Variants in DHX57 observed in about 807,000 individuals in gnomAD.
The protein encoded by DHX57 is DExH-box helicase 57.
Under a neutral mutation model 156.2 loss-of-function variants are expected in DHX57, and 105 were observed. That is an observed-to-expected ratio of 0.67 (90% confidence interval 0.57 to 0.79). The LOEUF (loss-of-function observed/expected upper bound fraction) is 0.79, where lower values mean the gene tolerates loss of function less well. Among genes scored for constraint, DHX57 ranks in the 30% least tolerant of loss-of-function variants. The probability of loss-of-function intolerance (pLI) is 0.00; values close to 1 mark genes in which losing one functional copy is unlikely to be tolerated. For missense variants in DHX57, 1,847 were observed against 1,661.9 expected (o/e 1.11, Z -1.94); for synonymous variants, 704 against 595.6 (o/e 1.18, Z -2.65).
At chr2:38,858,025 G>A (rs914388732) in intron 6 of DHX57, among the ~76,000 whole-genome samples, 8 of 152,220 alleles carry the variant, frequency 5.3e-5, no homozygotes, top group Admixed American at 4.6e-4. Flanking sequence ...GTGTTACCAC[G>A]CCCGCCTGGC....
At chr2:38,828,465 G>C (rs1318311668) in intron 13 of DHX57, 29 bp from the exon 14 acceptor site, 6 of 1,505,136 alleles carry the variant, frequency 4.0e-6, no homozygotes, top group Non-Finnish European at 4.5e-6. Context: ...TCAATATGTG[G>C]GTAAGCATAG....
At chr2:38,823,897 A>G (rs1670957705) in intron 16 of DHX57, among the ~76,000 whole-genome samples, 1 of 152,148 alleles carries the variant, frequency 6.6e-6, no homozygotes, top group Admixed American at 6.5e-5. Context: ...ATGTAATCCC[A>G]GCTACTTGGG....
In DHX57 at chr2:38,858,784, A is replaced by G; in HGVS notation, c.1464T>C (p.Pro488=). ...CATAGCTTTCATTCTCTACTATAAC[A>G]GGTGCAGGACCGTCATCCTCATCTG... The part of the protein sequence containing the change: ...EESDEDDGPA[P]VIVENESYVN... Residue 488 remains proline (P), a synonymous_variant, in exon 6 of 24, where the codon CCT becomes CCC. Transcript: ENST00000457308. The G allele has an allele frequency of 2.5e-6, 4 of 1,614,020 alleles. No homozygotes were observed. Among genetic ancestry groups the G allele is most frequent in the Non-Finnish European group, 3.4e-6 (4 of 1,179,980 alleles).
chr2:38,861,146 C>G lies in DHX57; in HGVS notation c.1264G>C (p.Val422Leu), dbSNP rs766777001. 6.2e-7 allele frequency: 1 copy of G among 1,614,042 alleles called. No individual in the cohort carries two copies. The highest frequency in any genetic ancestry group is 1.3e-5 in the African/African-American group (1 of 74,924). The change falls in exon 5 of 24, where the codon GTC becomes CTC. Residue 422 changes from valine to leucine, a missense_variant. Physicochemically the swap from Val to Leu is conservative, Grantham distance 32 (BLOSUM62 1). Transcript: ENST00000457308. ...ITLLEEESEI[V>L]KLLTNTHHKY... is the part of the protein sequence containing the mutation. ...TGGTGGGTATTCGTTAGTAACTTGA[C>G]TATTTCCGACTCTTCCTCTAAAAGG...
Position 38,813,865 on chromosome 2 carries a change from T to A in DHX57, c.3637A>T (p.Ile1213Leu). The A allele has an allele frequency of 1.2e-6, 2 of 1,613,682 alleles. No homozygotes were observed. The highest frequency in any genetic ancestry group is 2.2e-5 in the South Asian group (2 of 91,086). Residue 1213 changes from isoleucine (I) to leucine (L), a missense_variant, in exon 21 of 24, where the codon ATA becomes TTA. Coordinates refer to ENST00000457308, the MANE Select transcript of DHX57 (RefSeq NM_198963.3). ...AAAGCAGCACACAGCATTGCTGATATCAGCTTGGGGTTCTCAGCATTTGAG... is the reference window on the plus strand; with the variant it reads ...AAAGCAGCACACAGCATTGCTGATAACAGCTTGGGGTTCTCAGCATTTGAG... ...ANSNAENPKL[I>L]SAMLCAALYP...
intron 17 of DHX57, among the ~76,000 whole-genome samples, chr2:38,822,164 C>T (rs979727229): frequency 9.2e-5 from 14 of 152,064 alleles, no homozygotes; most frequent in African/African-American, 3.1e-4. Context: ...CTCATTGCAA[C>T]CTCTGCCTCC....
At chr2:38,841,473 G>C (rs911285755) in intron 12 of DHX57, among the ~76,000 whole-genome samples, 38 of 152,154 alleles carry the variant, frequency 2.5e-4, no homozygotes, top group African/African-American at 7.7e-4. Flanking sequence ...ATGTTAGGGA[G>C]CTATGCTTAT....
intron 1 of DHX57, among the ~76,000 whole-genome samples, chr2:38,870,038 T>A (rs1371749090): frequency 6.6e-6 from 1 of 152,062 alleles, no homozygotes; most frequent in Non-Finnish European, 1.5e-5. Flanking sequence ...CAAATGGGAA[T>A]TCTGGAGTTG....
In DHX57 at chr2:38,815,581, T is replaced by G; in HGVS notation, c.3546A>C (p.Ala1182=). 6.2e-7 allele frequency: 1 copy of G among 1,614,150 alleles called. No homozygotes were observed. The highest frequency in any genetic ancestry group is 8.5e-7 in the Non-Finnish European group (1 of 1,180,032). ...DIGFAREGLR[A]REIEKRAQGG... is the part of the protein sequence containing the mutation. ...CTTGGGCCCTTTTCTCAATTTCCCT[T>G]GCTCTGAGCCCTTCCCTTGCAAACC... The change falls in exon 20 of 24, where the codon GCA becomes GCC. Residue 1182 remains alanine (A), a synonymous_variant. Coordinates refer to ENST00000457308, the MANE Select transcript of DHX57 (RefSeq NM_198963.3).
intron 1 of DHX57, among the ~76,000 whole-genome samples, chr2:38,874,713 A>C (rs969006055): frequency 1.3e-5 from 2 of 152,152 alleles, no homozygotes; most frequent in African/African-American, 4.8e-5. Flanking sequence ...CCGACCTGAA[A>C]TACTGTATTT....
chr2:38,810,200 C>CT lies in DHX57; in HGVS notation c.3682-3508dup, dbSNP rs546365495. 2.1e-3 allele frequency among the ~76,000 whole-genome samples: 287 copies of CT among 136,302 alleles called. 2 individuals are homozygous for CT. The highest frequency in any genetic ancestry group is 0.02 in the Middle Eastern group (5 of 254). The allele number at this position is 136,302 out of a possible 152,430, so 89.4% of individuals were successfully genotyped here. Reference sequence around the variant, plus strand: ...GTGAGCCACCGTGGCTGGCCTTAGTCTTTTTTTTTTTTTTTTTTAATTGTC... The same window carrying CT: ...GTGAGCCACCGTGGCTGGCCTTAGTCTTTTTTTTTTTTTTTTTTTAATTGTC... On this transcript the variant is annotated intron_variant, in intron 21 of 23. Transcript: ENST00000457308.
In DHX57 at chr2:38,861,288, A is replaced by C; in HGVS notation, c.1122T>G (p.Phe374Leu). 1 of 1,614,172 alleles carries C rather than the reference A, an allele frequency of 6.2e-7. No individual in the cohort carries two copies. Residue 374 changes from phenylalanine to leucine, a missense_variant, in exon 5 of 24, where the codon TTT becomes TTG. Physicochemically the swap from Phe to Leu is conservative, Grantham distance 22. Transcript: ENST00000457308. ...KYPYQAPLVAFYSTNENLPLA... is the reference protein window; with the variant it reads ...KYPYQAPLVALYSTNENLPLA... ...GAGGTAGGTTCTCATTGGTGGAATA[A>C]AATGCCACGAGCGGAGCTTGGTAGG...
intron 3 of DHX57, 152 bp from the exon 4 acceptor site, chr2:38,862,485 G>A (rs1673286230): frequency 1.4e-6 from 1 of 714,506 alleles, no homozygotes; most frequent in Non-Finnish European, 2.0e-6. Context: ...TTATATCTTG[G>A]CAATTAACAT....
chr2:38,814,063 G>A (rs1409717166), intron 20 of DHX57, among the ~76,000 whole-genome samples, 168 bp from the exon 21 acceptor site: 3 of 151,930 alleles, frequency 2.0e-5, no homozygotes, highest in Admixed American at 6.6e-5. Context: ...TCAGCCTCCC[G>A]AGTAGCTGGG....
intron 16 of DHX57, among the ~76,000 whole-genome samples, chr2:38,824,663 G>A (rs1330061006): frequency 6.6e-6 from 1 of 151,858 alleles, no homozygotes; most frequent in Non-Finnish European, 1.5e-5. Context: ...ATTTTTTGGG[G>A]GGGTATAGAG....
intron 11 of DHX57, among the ~76,000 whole-genome samples, chr2:38,845,868 T>G (rs1672253531): frequency 6.7e-6 from 1 of 149,414 alleles, no homozygotes. Flanking sequence ...TAGCTAACTT[T>G]TTTTTTTTTT....
At chr2:38,830,183 C>T (rs1169942441) in intron 13 of DHX57, among the ~76,000 whole-genome samples, 1 of 152,156 alleles carries the variant, frequency 6.6e-6, no homozygotes, top group African/African-American at 2.4e-5. Context: ...AGTTATCCTT[C>T]CCACTAAATA....
At chr2:38,873,128 C>T (rs1665429233) in intron 1 of DHX57, among the ~76,000 whole-genome samples, 1 of 152,120 alleles carries the variant, frequency 6.6e-6, no homozygotes, top group Non-Finnish European at 1.5e-5. Flanking sequence ...GCTGGGACTA[C>T]AGGCACCCGC....
intron 9 of DHX57, 131 bp downstream of exon 9, chr2:38,853,922 TA>T: frequency 1.2e-6 from 1 of 854,080 alleles, no homozygotes; most frequent in Non-Finnish European, 1.8e-6. Context: ...TGCTCTTCTC[TA>T]ACATAGGCCT....
Sources: allele counts gnomAD v4.1 joint callset (sites outside exome capture counted in the v4.1 genomes callset), GRCh38; gene constraint gnomAD v4.1.1; transcripts MANE v1.5; gene names NCBI Gene and HGNC (gene_info 2026-07-23, HGNC 2026-07-21).